GOLGA4: variants seen among roughly 807,000 people sequenced by gnomAD.
GOLGA4 encodes the protein golgin A4, also known as golgin subfamily A member 4.
Under a neutral mutation model 265.9 loss-of-function variants are expected in GOLGA4, and 169 were observed. That is an observed-to-expected ratio of 0.64 (90% CI 0.56 to 0.72). The LOEUF is 0.72. Among genes scored for constraint, GOLGA4 ranks in the 30% least tolerant of loss-of-function variants. The pLI, the probability that GOLGA4 is intolerant of heterozygous loss-of-function variation, is 0.00. For synonymous variants in GOLGA4, 923 were observed against 855.8 expected (o/e 1.08, Z -1.37); for missense variants, 2,482 against 2,483.4 (o/e 1.00, Z 0.01).
chr3:37,308,211 C>T (rs867500891), intron 10 of GOLGA4, among the ~76,000 whole-genome samples: 16 of 149,310 alleles, frequency 1.1e-4, no homozygotes, highest in African/African-American at 2.0e-4. Flanking sequence ...CCAGCCTGGG[C>T]GACAAGAACG....
At chr3:37,251,606 T>A in intron 2 of GOLGA4, 122 bp downstream of exon 2, 1 of 618,256 alleles carries the variant, frequency 1.6e-6, no homozygotes, top group Non-Finnish European at 2.8e-6. Flanking sequence ...GTAGAGTTTT[T>A]ATTAGTAACA....
At chr3:37,281,844 A>G in intron 2 of GOLGA4, 114 bp from the exon 3 acceptor site, 1 of 770,404 alleles carries the variant, frequency 1.3e-6, no homozygotes, top group Non-Finnish European at 2.2e-6. Flanking sequence ...GTAAAATGTC[A>G]GGAATATAAA....
intron 9 of GOLGA4, among the ~76,000 whole-genome samples, chr3:37,301,665 ACT>A (rs747102188): frequency 1.6e-4 from 24 of 152,248 alleles, no homozygotes; most frequent in Non-Finnish European, 3.1e-4. Context: ...TGTAAAAAAT[ACT>A]GTTATGCTAG....
chr3:37,294,382 ATTTTTTT>A (rs55842993), intron 5 of GOLGA4, among the ~76,000 whole-genome samples: 1 of 132,044 alleles, frequency 7.6e-6, no homozygotes, highest in East Asian at 2.1e-4. Context: ...ATCTTAAGTA[ATTTTTTT>A]TTTTTTTTTT....
At chr3:37,344,624 T>G (rs2097050254) in intron 20 of GOLGA4, among the ~76,000 whole-genome samples, 1 of 151,146 alleles carries the variant, frequency 6.6e-6, no homozygotes, top group African/African-American at 2.4e-5. Context: ...TGAGCCACCA[T>G]GCCTAACCTT....
rs1456145162 is a variant in GOLGA4 at position 37,321,832 on chromosome 3, A to G, written c.1647A>G (p.Thr549=). 1 of 1,613,204 alleles carries G rather than the reference A, an allele frequency of 6.2e-7. No homozygotes were observed. Among genetic ancestry groups the G allele is most frequent in the African/African-American group, 1.3e-5 (1 of 74,904 alleles). ...ELELQKKAIL[T]ESENKLRDLQ... ...AGTTGCAGAAAAAAGCAATCCTCACAGAAAGTGAAAATAAACTTCGGGACC... is the reference window on the plus strand; with the variant it reads ...AGTTGCAGAAAAAAGCAATCCTCACGGAAAGTGAAAATAAACTTCGGGACC... Residue 549 remains threonine (T), a synonymous_variant, in exon 13 of 24, where the codon ACA becomes ACG. Coordinates refer to ENST00000361924, the MANE Select transcript of GOLGA4 (RefSeq NM_002078.5).
chr3:37,286,702 G>T (rs2096850378), intron 4 of GOLGA4, among the ~76,000 whole-genome samples: 1 of 152,138 alleles, frequency 6.6e-6, no homozygotes, highest in East Asian at 1.9e-4. Flanking sequence ...CCTTGTTTTA[G>T]TGGTAAAGAC....
At chr3:37,258,545 C>T (rs2096760822) in intron 2 of GOLGA4, among the ~76,000 whole-genome samples, 1 of 152,116 alleles carries the variant, frequency 6.6e-6, no homozygotes. Flanking sequence ...CCACGCTGGC[C>T]TGGAATGCCT....
At chr3:37,258,010 CATATAT>C (rs755810824) in intron 2 of GOLGA4, among the ~76,000 whole-genome samples, 17,345 of 59,478 alleles carry the variant, frequency 0.29, 4,740 homozygotes, top group Non-Finnish European at 0.35. Flanking sequence ...TATATACATA[CATATAT>C]ATATGTATGT....
At chr3:37,354,891 T>C (rs2097086191) in intron 21 of GOLGA4, among the ~76,000 whole-genome samples, 2 of 152,132 alleles carry the variant, frequency 1.3e-5, no homozygotes, top group Non-Finnish European at 2.9e-5. Context: ...TGCATCTTGT[T>C]AAAATAATAT....
chr3:37,282,312 C>T (rs755410670), intron 3 of GOLGA4, 40 bp downstream of exon 3: 43 of 1,445,012 alleles, frequency 3.0e-5, no homozygotes, highest in Non-Finnish European at 3.8e-5. Context: ...AAATTTCTTC[C>T]CCTTGTTCTC....
chr3:37,342,845 A>C (rs114632899), intron 20 of GOLGA4, among the ~76,000 whole-genome samples: 1,913 of 152,356 alleles, frequency 0.013, 48 homozygotes, highest in African/African-American at 0.043. Context: ...TTCCACTTCC[A>C]TCAGCAGTGG....
chr3:37,261,077 A>G (rs2150666586), intron 2 of GOLGA4, among the ~76,000 whole-genome samples: 1 of 151,814 alleles, frequency 6.6e-6, no homozygotes, highest in South Asian at 2.1e-4. Flanking sequence ...AGGCTTAAGT[A>G]GGAAGATTTT....
chr3:37,243,696 G>C (rs769690625), intron 1 of GOLGA4, 74 bp downstream of exon 1: 3 of 1,264,748 alleles, frequency 2.4e-6, no homozygotes, highest in Middle Eastern at 2.4e-4. Context: ...AGAGGCGGGG[G>C]GAGTGGGGAA....
chr3:37,319,959 A>G (rs1446902670), intron 12 of GOLGA4: 1 of 152,206 alleles, frequency 6.6e-6, no homozygotes, highest in Non-Finnish European at 1.5e-5. Flanking sequence ...CGAAAATCTC[A>G]TCAGACTGAG....
chr3:37,351,479 C>T (rs779620517), intron 21 of GOLGA4, among the ~76,000 whole-genome samples: 2 of 152,118 alleles, frequency 1.3e-5, no homozygotes, highest in Admixed American at 6.6e-5. Context: ...AGTGGCATCT[C>T]GAACAGGGAA....
chr3:37,336,014 G>A (rs1049824593), intron 17 of GOLGA4, among the ~76,000 whole-genome samples: 5 of 152,186 alleles, frequency 3.3e-5, no homozygotes, highest in African/African-American at 1.2e-4. Flanking sequence ...GTTACAGAAT[G>A]TCAGTTACCA....
At position 37,271,612 on chromosome 3, in the gene GOLGA4, G is replaced by A. The variant is rs575982625; in HGVS notation, c.163-10346G>A. ...AGCCTACCCCTACACTTCCCTGACC[G>A]TACCACTACCATTTTGCCTACTTGT... On this transcript the variant is annotated intron_variant, in intron 2 of 23. Coordinates refer to ENST00000361924, the MANE Select transcript of GOLGA4 (RefSeq NM_002078.5). Among the ~76,000 whole-genome samples the A allele has an allele frequency of 7.2e-5, 11 of 152,116 alleles. No individual in the cohort carries two copies. In the East Asian group the frequency reaches 1.2e-3, roughly 16 times the overall value.
intron 10 of GOLGA4, among the ~76,000 whole-genome samples, chr3:37,311,083 C>T (rs1321190988): frequency 6.6e-6 from 1 of 152,056 alleles, no homozygotes; most frequent in African/African-American, 2.4e-5. Context: ...GGCACCATTT[C>T]TAGGGGTTAC....
Sources: gnomAD v4.1 joint callset for allele counts (sites outside exome capture counted in the v4.1 genomes callset) on GRCh38, gnomAD v4.1.1 for gene constraint, MANE v1.5 for transcripts, NCBI Gene and HGNC (gene_info 2026-07-23, HGNC 2026-07-21) for gene names.